Variants in ABLIM2 observed in about 807,000 individuals in gnomAD.
ABLIM2 encodes the protein actin binding LIM protein family member 2.
ABLIM2 carries 53 observed loss-of-function variants against 97.7 expected under a neutral mutation model. The ratio of observed to expected loss-of-function variants is 0.54; its 90% confidence interval spans 0.44 to 0.68. ABLIM2 has a LOEUF of 0.68. Ranked by LOEUF, ABLIM2 falls within the 30% of genes least tolerant of loss-of-function variation. ABLIM2 has a pLI of 0.00. For missense variants in ABLIM2, 835 were observed against 867.2 expected, an observed-to-expected ratio of 0.96 and a Z score of 0.47; for synonymous variants, 361 against 345.8, an observed-to-expected ratio of 1.04 and a Z score of -0.49.
rs991863744 is a variant in ABLIM2, at chr4:7,998,069, C to T, written c.1619-5142G>A. Among the ~76,000 whole-genome samples, 7 of 151,898 alleles carry T rather than the reference C, an allele frequency of 4.6e-5. No individual in the cohort carries two copies. Among genetic ancestry groups the T allele is most frequent in the Non-Finnish European group, 8.8e-5 (6 of 67,972 alleles). Reference sequence around the variant, plus strand: ...GCTGATTTTGTATTTTTAGTAGAGACGGGGTTTCTCCATGTTGATCGGGCT... The same window carrying T: ...GCTGATTTTGTATTTTTAGTAGAGATGGGGTTTCTCCATGTTGATCGGGCT... On this transcript the variant is annotated intron_variant, in intron 16 of 20. Coordinates refer to ENST00000447017, the MANE Select transcript of ABLIM2 (RefSeq NM_001130083.2). This position sits in a 1 kb window ranked among gnomAD's most constrained non-coding sequence, Gnocchi z 6.4.
chr4:8,134,262 G>C (rs938520303), intron 1 of ABLIM2, among the ~76,000 whole-genome samples: 1 of 152,216 alleles, frequency 6.6e-6, no homozygotes, highest in African/African-American at 2.4e-5. Flanking sequence ...CCAGGGCAGG[G>C]TGAGCACAGA....
At chr4:8,117,571 A>C (rs916199232) in intron 1 of ABLIM2, among the ~76,000 whole-genome samples, 2 of 151,946 alleles carry the variant, frequency 1.3e-5, no homozygotes, top group Non-Finnish European at 2.9e-5. Context: ...CACCCCCAGC[A>C]GACTCCACCC....
intron 20 of ABLIM2, among the ~76,000 whole-genome samples, chr4:7,979,580 T>C (rs1273082897): frequency 6.6e-6 from 1 of 152,224 alleles, no homozygotes; most frequent in Admixed American, 6.5e-5. Context: ...TGATTACAGA[T>C]TAGTCTTTTT....
intron 1 of ABLIM2, among the ~76,000 whole-genome samples, chr4:8,126,248 GGTCT>G (rs1248898802): frequency 6.6e-6 from 1 of 152,170 alleles, no homozygotes; most frequent in Non-Finnish European, 1.5e-5. Context: ...GGAAGACTCT[GGTCT>G]GGCTGCCCAG....
At position 8,020,567 on chromosome 4, in the gene ABLIM2, C is replaced by T. The variant is rs78865789; in HGVS notation, c.1268-264G>A. Reference sequence around the variant, plus strand: ...ACATTGCTGAGGGCAGAGGGCTGGGCGGTGAACTAAGAACACCTTAGGGGG... The same window carrying T: ...ACATTGCTGAGGGCAGAGGGCTGGGTGGTGAACTAAGAACACCTTAGGGGG... On this transcript the variant is annotated intron_variant, in intron 12 of 20. Coordinates refer to ENST00000447017, the MANE Select transcript of ABLIM2 (RefSeq NM_001130083.2). The T allele has an allele frequency of 6.7e-3, 3,795 of 568,054 alleles. 97 individuals carry two copies. Among genetic ancestry groups the T allele is most frequent in the African/African-American group, 0.06 (3,202 of 53,666 alleles). The allele number at this position is 568,054 out of a possible 1,614,324, so 35.2% of individuals were successfully genotyped here. A position where few individuals can be genotyped will look rare whatever the true frequency, so the allele number is the denominator to read the frequency against.
intron 14 of ABLIM2, among the ~76,000 whole-genome samples, chr4:8,013,590 G>A (rs1766585061): frequency 6.6e-6 from 1 of 152,232 alleles, no homozygotes; most frequent in Admixed American, 6.5e-5. Flanking sequence ...ATTTACAGAT[G>A]AGGAGACCGA....
In ABLIM2 at chr4:7,992,872, GT is replaced by G. The variant is rs998813949; in HGVS notation, c.1673del (p.Asp558AlafsTer39). 6.2e-6 allele frequency: 10 copies of G among 1,612,606 alleles called. No individual in the cohort carries two copies. In the Admixed American group the frequency reaches 1.7e-4, roughly 27 times the overall value. On this transcript the variant is annotated frameshift_variant, in exon 17 of 21. Transcript: ENST00000447017. LOFTEE classifies it high-confidence loss of function. The surrounding 1 kb of genome is among the most constrained non-coding windows in gnomAD (Gnocchi z 5.7). ...PLPGHGKNGLDQRNANLAPCG... is the reference protein window; with the variant it reads ...PLPGHGKNGLXQRNANLAPCG... ...GGGAGGGGTCAGTACCTACCCGCTG[GT>G]CCAAGCCATTCTTTCCATGTCCTGG... is the stretch of plus-strand genomic sequence containing the variant.
chr4:8,071,718 G>A lies in ABLIM2; in HGVS notation c.675+5910C>T. 1 of 981,052 alleles carries A rather than the reference G, an allele frequency of 1.0e-6. No individual in the cohort carries two copies. The highest frequency in any genetic ancestry group is 1.2e-6 in the Non-Finnish European group (1 of 826,080). 60.8% of individuals were successfully genotyped at this position (981,052 alleles called of 1,614,324 possible). On this transcript the variant is annotated intron_variant, in intron 6 of 20. Transcript: ENST00000447017. This position sits in a 1 kb window ranked among gnomAD's most constrained non-coding sequence, Gnocchi z 6.2. ...ACCCACCCACCCGCAGCCCCTCCTG[G>A]CCCCTGTGAGCCCCCATCAGCCCCT...
rs537742896 is a variant in ABLIM2 at position 8,019,404 on chromosome 4, G to A, written c.1423+214C>T. Among the ~76,000 whole-genome samples, 191 of 152,292 alleles carry A rather than the reference G, an allele frequency of 1.3e-3. No individual in the cohort carries two copies. Among genetic ancestry groups the A allele is most frequent in the African/African-American group, 3.9e-3 (162 of 41,562 alleles). The stretch of plus-strand genomic sequence containing the variant: ...AGCCTCGGCGTCGTAACGCACAGAA[G>A]TTCCTTACTCAGACATACCCTTCAT... On this transcript the variant is annotated intron_variant, in intron 14 of 20. Coordinates refer to ENST00000447017, the MANE Select transcript of ABLIM2 (RefSeq NM_001130083.2). This position sits in a 1 kb window ranked among gnomAD's most constrained non-coding sequence, Gnocchi z 4.3.
intron 14 of ABLIM2, chr4:8,010,530 T>G: frequency 1.0e-6 from 1 of 985,822 alleles, no homozygotes; most frequent in Non-Finnish European, 1.2e-6. Context: ...GCTTGGAAAT[T>G]TGGGATTGGG....
intron 3 of ABLIM2, among the ~76,000 whole-genome samples, chr4:8,094,392 C>T (rs918096792): frequency 1.3e-5 from 2 of 152,184 alleles, no homozygotes; most frequent in East Asian, 1.9e-4. Context: ...GCAAGACTCA[C>T]GTCTCCAACA....
intron 4 of ABLIM2, among the ~76,000 whole-genome samples, chr4:8,081,003 C>T (rs1819479957): frequency 6.6e-6 from 1 of 152,094 alleles, no homozygotes; most frequent in African/African-American, 2.4e-5. Context: ...GAAGTTTGAC[C>T]CTGCATGCAT....
chr4:7,980,369 A>G (rs1047707203), intron 20 of ABLIM2, among the ~76,000 whole-genome samples: 1 of 152,206 alleles, frequency 6.6e-6, no homozygotes, highest in Non-Finnish European at 1.5e-5. Flanking sequence ...GCAGGCCCTG[A>G]AAGAAATACA....
At position 8,150,733 on chromosome 4, in the gene ABLIM2, A is replaced by G. The variant is rs757398061; in HGVS notation, c.10+7947T>C. On this transcript the variant is annotated intron_variant, in intron 1 of 20. Transcript: ENST00000447017. The surrounding 1 kb of genome is among the most constrained non-coding windows in gnomAD (Gnocchi z 6.3). Reference sequence around the variant, plus strand: ...CACGCCTCCTGAGGATGCTGTGCCGAGAAAACCGGGAGCTGGGTGGCTCTC... The same window carrying G: ...CACGCCTCCTGAGGATGCTGTGCCGGGAAAACCGGGAGCTGGGTGGCTCTC... Among the ~76,000 whole-genome samples, 10 of 152,160 alleles carry G rather than the reference A, an allele frequency of 6.6e-5. No individual in the cohort carries two copies. Among genetic ancestry groups the G allele is most frequent in the Non-Finnish European group, 1.2e-4 (8 of 68,020 alleles).
At position 8,054,657 on chromosome 4, in the gene ABLIM2, G is replaced by A. The variant is rs544447786; in HGVS notation, c.764-411C>T. Reference sequence around the variant, plus strand: ...CCTGCATGTTGAGGGCAATGGCTGGGCCCACCTGCAGAGACAGCTGGTGCT... The same window carrying A: ...CCTGCATGTTGAGGGCAATGGCTGGACCCACCTGCAGAGACAGCTGGTGCT... On this transcript the variant is annotated intron_variant, in intron 7 of 20. Coordinates refer to ENST00000447017, the MANE Select transcript of ABLIM2 (RefSeq NM_001130083.2). The surrounding 1 kb of genome is among the most constrained non-coding windows in gnomAD (Gnocchi z 4.9). Among the ~76,000 whole-genome samples the A allele has an allele frequency of 6.6e-6, 1 of 152,340 alleles. No individual in the cohort carries two copies. Among genetic ancestry groups the A allele is most frequent in the African/African-American group, 2.4e-5 (1 of 41,572 alleles).
intron 1 of ABLIM2, among the ~76,000 whole-genome samples, chr4:8,143,173 G>GCC: frequency 6.8e-6 from 1 of 146,292 alleles, no homozygotes; most frequent in African/African-American, 2.5e-5. Flanking sequence ...GGGGGGGGGC[G>GCC]TCTGCAAATG....
intron 5 of ABLIM2, among the ~76,000 whole-genome samples, chr4:8,078,754 T>C (rs6856548): frequency 0.43 from 65,089 of 152,094 alleles, 14,175 homozygotes; most frequent in South Asian, 0.54. Flanking sequence ...GGGGAAATAA[T>C]AGTAAGGACT....
intron 16 of ABLIM2, chr4:8,006,975 G>C (rs913372069): frequency 5.2e-6 from 5 of 968,920 alleles, no homozygotes; most frequent in Non-Finnish European, 6.1e-6. Flanking sequence ...GCAGAGGCCT[G>C]AGGGGTGCAC....
chr4:7,987,519 G>T (rs1436451178), intron 17 of ABLIM2, among the ~76,000 whole-genome samples: 1 of 152,192 alleles, frequency 6.6e-6, no homozygotes. Flanking sequence ...AAGGCAACCA[G>T]CCATGGCCTT....
Sources: allele counts gnomAD v4.1 joint callset (sites outside exome capture counted in the v4.1 genomes callset), GRCh38; gene constraint gnomAD v4.1.1; non-coding constraint Gnocchi (gnomAD v3.1); transcripts MANE v1.5; gene names NCBI Gene and HGNC (gene_info 2026-07-23, HGNC 2026-07-21).